UBAP1: variants seen among roughly 807,000 people sequenced by gnomAD.
UBAP1 encodes the protein ubiquitin-associated protein 1.
UBAP1 carries 5 observed loss-of-function variants against 39.0 expected under a neutral mutation model. The observed-to-expected ratio is 0.13, with a 90% CI of 0.07 to 0.27. The LOEUF is 0.27. UBAP1 is among the 10% of genes least tolerant of loss of function. The probability of loss-of-function intolerance (pLI) is 1.00; values close to 1 mark genes in which losing one functional copy is unlikely to be tolerated. For missense variants in UBAP1, 490 were observed against 608.1 expected (o/e 0.81, Z 2.04); for synonymous variants, 211 against 225.1 (o/e 0.94, Z 0.56).
Position 34,197,210 on chromosome 9 carries a change from G to A in UBAP1, c.-8+17970G>A, listed in dbSNP as rs1831118593. Among the ~76,000 whole-genome samples, 4 of 151,728 alleles carry A rather than the reference G, an allele frequency of 2.6e-5. No individual in the cohort carries two copies. The South Asian group carries it at 8.3e-4, about 32-fold the overall frequency. ...CAAAGTGCTGGAATTACAGATGTGA[G>A]CCACTGTGCCCGGCCAGTTATTTGT... On this transcript the variant is annotated intron_variant, in intron 1 of 6. Coordinates refer to ENST00000297661, the MANE Select transcript of UBAP1 (RefSeq NM_016525.5).
At chr9:34,181,111 G>GTTGTCTTTT (rs1829994053) in intron 1 of UBAP1, among the ~76,000 whole-genome samples, 1 of 35,282 alleles carries the variant, frequency 2.8e-5, no homozygotes, top group Non-Finnish European at 6.9e-5. Context: ...CACCCGGCCT[G>GTTGTCTTTT]TTTTCTTTTT....
At position 34,182,667 on chromosome 9, in the gene UBAP1, CTTTCTT is replaced by C. The variant is rs1296606739; in HGVS notation, c.-8+3429_-8+3434del. ...TCTTTCTTTCTTTCTTTCTTTCTTT[CTTTCTT>C]TCTTTCTTTCTCTCTCTCTTTCTTT... On this transcript the variant is annotated intron_variant, in intron 1 of 6. Transcript: ENST00000297661. 5.6e-3 allele frequency among the ~76,000 whole-genome samples: 310 copies of C among 55,634 alleles called. 7 individuals are homozygous for C. Among genetic ancestry groups the C allele is most frequent in the East Asian group, 0.033 (43 of 1,316 alleles). The allele number at this position is 55,634 out of a possible 152,430, so 36.5% of individuals were successfully genotyped here.
In UBAP1 at chr9:34,231,649, G is replaced by T. The variant is rs138480446; in HGVS notation, c.35-2567G>T. Among the ~76,000 whole-genome samples, 331 of 107,422 alleles carry T rather than the reference G, an allele frequency of 3.1e-3. 1 individual carries two copies. The highest frequency in any genetic ancestry group is 7.0e-3 in the Admixed American group (74 of 10,616). 70.5% of individuals were successfully genotyped at this position (107,422 alleles called of 152,430 possible). On this transcript the variant is annotated intron_variant, in intron 2 of 6. Transcript: ENST00000297661. The stretch of plus-strand genomic sequence containing the variant: ...CAAAATTTTTTTGTTTTTTTTTTTT[G>T]TTTGTTTGTTTTTGAGATAGAGTCT...
chr9:34,215,768 CAT>C (rs1045001836), intron 1 of UBAP1, among the ~76,000 whole-genome samples: 13 of 151,650 alleles, frequency 8.6e-5, no homozygotes, highest in Non-Finnish European at 1.2e-4. Flanking sequence ...CACACACACA[CAT>C]ACATGTATGT....
chr9:34,182,370 C>T (rs945643876), intron 1 of UBAP1, among the ~76,000 whole-genome samples: 2 of 150,876 alleles, frequency 1.3e-5, no homozygotes, highest in African/African-American at 4.9e-5. Context: ...GTTTTAGTAG[C>T]GACGGGGTTT....
intron 1 of UBAP1, among the ~76,000 whole-genome samples, chr9:34,194,349 C>G (rs1174186012): frequency 2.0e-5 from 3 of 150,634 alleles, no homozygotes; most frequent in African/African-American, 4.9e-5. Flanking sequence ...GAGTCTCGCT[C>G]TGTTGCCCTG....
chr9:34,216,556 T>G (rs1832328641), intron 1 of UBAP1, among the ~76,000 whole-genome samples: 1 of 151,702 alleles, frequency 6.6e-6, no homozygotes, highest in Non-Finnish European at 1.5e-5. Flanking sequence ...AGTGGTGCGA[T>G]CATAGCTCAC....
At chr9:34,180,498 A>T (rs916802281) in intron 1 of UBAP1, among the ~76,000 whole-genome samples, 2 of 150,042 alleles carry the variant, frequency 1.3e-5, no homozygotes, top group South Asian at 2.1e-4. Flanking sequence ...ACAGAGCGAG[A>T]CTCCGACTCA....
At chr9:34,234,109 TAG>T (rs1404088218) in intron 2 of UBAP1, 105 bp from the exon 3 acceptor site, 4 of 1,184,660 alleles carry the variant, frequency 3.4e-6, no homozygotes, top group Middle Eastern at 2.9e-4. Context: ...CTGTAACTTC[TAG>T]ACTTAGGATA....
Position 34,252,277 on chromosome 9 carries a change from A to G in UBAP1, c.*745A>G, listed in dbSNP as rs1462680244. On this transcript the variant is annotated 3_prime_UTR_variant, in exon 7 of 7. Transcript: ENST00000297661. ...TGAATGGGTAAGCAGACAGGCCATG[A>G]TTTAGTTGGCCAGCACTAACTCCAC... is the stretch of plus-strand genomic sequence containing the variant. 1 of 152,580 alleles carries G rather than the reference A, an allele frequency of 6.6e-6. No homozygotes were observed. Among genetic ancestry groups the G allele is most frequent in the African/African-American group, 2.4e-5 (1 of 41,424 alleles). 9.5% of individuals were successfully genotyped at this position (152,580 alleles called of 1,614,324 possible).
rs541212636 is a variant in UBAP1 at position 34,231,963 on chromosome 9, A to T, written c.35-2253A>T. On this transcript the variant is annotated intron_variant, in intron 2 of 6. Coordinates refer to ENST00000297661, the MANE Select transcript of UBAP1 (RefSeq NM_016525.5). ...TCAAATTCTTGCTCAGACTCTCTGA[A>T]GGGAGGTTAAGGAAATGAACTATTA... 1.8e-4 allele frequency among the ~76,000 whole-genome samples: 27 copies of T among 152,214 alleles called. No homozygotes were observed. In the East Asian group the frequency reaches 4.4e-3, roughly 25 times the overall value.
intron 1 of UBAP1, among the ~76,000 whole-genome samples, chr9:34,218,923 G>A (rs1054573326): frequency 6.6e-6 from 1 of 152,002 alleles, no homozygotes; most frequent in Admixed American, 6.6e-5. Context: ...ACAGCAAGAT[G>A]CCTGTGAATG....
intron 3 of UBAP1, among the ~76,000 whole-genome samples, chr9:34,238,104 A>G (rs1833793410): frequency 6.7e-6 from 1 of 149,534 alleles, no homozygotes. Flanking sequence ...TATAAATGGA[A>G]TTCTGCAGTA....
At chr9:34,243,723 C>T (rs1192474469) in intron 4 of UBAP1, among the ~76,000 whole-genome samples, 1 of 152,042 alleles carries the variant, frequency 6.6e-6, no homozygotes, top group Admixed American at 6.5e-5. Flanking sequence ...CTCCTGTGCT[C>T]AAGTGATCCA....
At chr9:34,205,497 CAT>C (rs1188524045) in intron 1 of UBAP1, among the ~76,000 whole-genome samples, 1 of 152,058 alleles carries the variant, frequency 6.6e-6, no homozygotes, top group Non-Finnish European at 1.5e-5. Flanking sequence ...TCTGAAATTA[CAT>C]GTTAGGTATA....
chr9:34,192,258 T>G (rs1308801880), intron 1 of UBAP1, among the ~76,000 whole-genome samples: 1 of 151,766 alleles, frequency 6.6e-6, no homozygotes, highest in African/African-American at 2.4e-5. Context: ...GGCTCATGCC[T>G]GTAATCCCAG....
chr9:34,243,241 C>T (rs181678843), intron 4 of UBAP1, among the ~76,000 whole-genome samples: 8 of 152,278 alleles, frequency 5.3e-5, no homozygotes, highest in East Asian at 3.9e-4. Flanking sequence ...ATCAGGGATC[C>T]TTGGCCAACA....
chr9:34,194,705 T>G (rs551779410), intron 1 of UBAP1, among the ~76,000 whole-genome samples: 3 of 152,242 alleles, frequency 2.0e-5, no homozygotes, highest in Non-Finnish European at 4.4e-5. Context: ...TTGAAAACAT[T>G]ATGCCATGTG....
chr9:34,221,496 C>T (rs373460037), intron 2 of UBAP1, among the ~76,000 whole-genome samples: 7 of 149,438 alleles, frequency 4.7e-5, no homozygotes, highest in African/African-American at 1.7e-4. Flanking sequence ...CACCACTGCA[C>T]TCCAGCCTGG....
Sources: allele counts gnomAD v4.1 joint callset (sites outside exome capture counted in the v4.1 genomes callset), GRCh38; gene constraint gnomAD v4.1.1; transcripts MANE v1.5; gene names NCBI Gene and HGNC (gene_info 2026-07-23, HGNC 2026-07-21).